Variants in NLGN1 observed in about 807,000 individuals in gnomAD.
NLGN1 encodes neuroligin 1.
NLGN1 carries 12 observed loss-of-function variants against 65.5 expected under a neutral mutation model. The ratio of observed to expected loss-of-function variants is 0.18; its 90% confidence interval spans 0.12 to 0.30. NLGN1 has a LOEUF of 0.30. Among genes scored for constraint, NLGN1 ranks in the 10% least tolerant of loss-of-function variants. NLGN1 has a pLI of 1.00. For missense variants in NLGN1, 750 were observed against 1,007.1 expected, an observed-to-expected ratio of 0.74 and a Z score of 3.46; for synonymous variants, 350 against 359.5, an observed-to-expected ratio of 0.97 and a Z score of 0.30.
chr3:173,819,335 G>A (rs1053793338), intron 4 of NLGN1, among the ~76,000 whole-genome samples: 1 of 152,088 alleles, frequency 6.6e-6, no homozygotes, highest in African/African-American at 2.4e-5. Context: ...AAGAGCACCA[G>A]TTTTCTTTAG....
At chr3:173,825,057 G>T (rs565080940) in intron 4 of NLGN1, among the ~76,000 whole-genome samples, 1 of 152,002 alleles carries the variant, frequency 6.6e-6, no homozygotes, top group Admixed American at 6.6e-5. Context: ...TTCACAAATT[G>T]TGCCCAAGAG....
At chr3:173,569,495 A>G (rs1227075257) in intron 2 of NLGN1, among the ~76,000 whole-genome samples, 1 of 151,874 alleles carries the variant, frequency 6.6e-6, no homozygotes, top group Non-Finnish European at 1.5e-5. Flanking sequence ...TTTTCTTAAA[A>G]CAGTAGTCCC....
intron 4 of NLGN1, among the ~76,000 whole-genome samples, chr3:174,260,418 C>T (rs1173419276): frequency 6.6e-6 from 1 of 151,512 alleles, no homozygotes; most frequent in African/African-American, 2.4e-5. Flanking sequence ...TTTTGATTTG[C>T]ATTTCTCTGA....
Position 174,210,982 on chromosome 3 carries a change from G to A in NLGN1, c.647-64333G>A, listed in dbSNP as rs1433946699. On this transcript the variant is annotated intron_variant, in intron 4 of 6. Transcript: ENST00000457714. Reference sequence around the variant, plus strand: ...TTCAAGAATGAAGCCGCGGACCCTCGCGGTGAGTGTTACAGCTCTTAAGGT... The same window carrying A: ...TTCAAGAATGAAGCCGCGGACCCTCACGGTGAGTGTTACAGCTCTTAAGGT... 2.6e-4 allele frequency among the ~76,000 whole-genome samples: 40 copies of A among 152,122 alleles called. 1 individual carries two copies. Among genetic ancestry groups the A allele is most frequent in the Admixed American group, 2.5e-3 (38 of 15,274 alleles).
At chr3:174,017,765 T>G (rs1726899741) in intron 4 of NLGN1, among the ~76,000 whole-genome samples, 1 of 151,976 alleles carries the variant, frequency 6.6e-6, no homozygotes. Context: ...GTCACAGAGA[T>G]CACATGCTTC....
intron 4 of NLGN1, among the ~76,000 whole-genome samples, chr3:174,159,389 T>A (rs577383898): frequency 6.6e-6 from 1 of 151,878 alleles, no homozygotes; most frequent in East Asian, 1.9e-4. Flanking sequence ...GAGAGAAACA[T>A]TTGAAAAACT....
At chr3:174,135,062 T>C (rs758049757) in intron 4 of NLGN1, among the ~76,000 whole-genome samples, 33 of 152,196 alleles carry the variant, frequency 2.2e-4, no homozygotes, top group Non-Finnish European at 4.1e-4. Context: ...TTTCCTAATG[T>C]CTTTATTATA....
At chr3:173,714,963 C>G (rs1769601552) in intron 3 of NLGN1, among the ~76,000 whole-genome samples, 1 of 152,100 alleles carries the variant, frequency 6.6e-6, no homozygotes, top group Non-Finnish European at 1.5e-5. Flanking sequence ...GAGTTCTCTT[C>G]TCTGCCTTTT....
At chr3:174,269,422 A>C (rs1181384881) in intron 4 of NLGN1, among the ~76,000 whole-genome samples, 2 of 151,962 alleles carry the variant, frequency 1.3e-5, no homozygotes, top group Non-Finnish European at 2.9e-5. Context: ...ATATGAGTAG[A>C]ATCCTACAGT....
chr3:173,656,546 T>C (rs1450116966), intron 3 of NLGN1, among the ~76,000 whole-genome samples: 1 of 152,130 alleles, frequency 6.6e-6, no homozygotes, highest in Non-Finnish European at 1.5e-5. Context: ...TATTCATTTG[T>C]TTGTTCATTT....
intron 4 of NLGN1, among the ~76,000 whole-genome samples, chr3:174,158,995 T>G (rs895086866): frequency 1.3e-5 from 2 of 151,628 alleles, no homozygotes; most frequent in African/African-American, 4.8e-5. Flanking sequence ...GTCTTCGAGA[T>G]GTACAAAATG....
chr3:173,913,068 C>T (rs1349246503), intron 4 of NLGN1, among the ~76,000 whole-genome samples: 1 of 152,116 alleles, frequency 6.6e-6, no homozygotes, highest in African/African-American at 2.4e-5. Flanking sequence ...CCCATTCACC[C>T]CAAGTCCATG....
At chr3:173,758,906 G>A (rs1777535426) in intron 3 of NLGN1, among the ~76,000 whole-genome samples, 1 of 151,972 alleles carries the variant, frequency 6.6e-6, no homozygotes, top group Non-Finnish European at 1.5e-5. Context: ...AAGAGCTGTA[G>A]ATTCTCTCCT....
chr3:174,007,993 G>C (rs898098534), intron 4 of NLGN1, among the ~76,000 whole-genome samples: 1 of 151,730 alleles, frequency 6.6e-6, no homozygotes, highest in African/African-American at 2.4e-5. Context: ...TTGTGAGTGG[G>C]GATGGGGAGA....
chr3:174,262,964 G>A (rs1747246435), intron 4 of NLGN1, among the ~76,000 whole-genome samples: 1 of 121,188 alleles, frequency 8.3e-6, no homozygotes, highest in South Asian at 3.3e-4. Flanking sequence ...TTCAGGAGCA[G>A]GTTGTTCAGT....
At chr3:173,773,987 G>C (rs188997483) in intron 3 of NLGN1, among the ~76,000 whole-genome samples, 192 of 152,302 alleles carry the variant, frequency 1.3e-3, no homozygotes, top group African/African-American at 4.4e-3. Flanking sequence ...GAAGTCATAA[G>C]GTGGTAATAT....
chr3:174,153,383 C>T (rs1159334997), intron 4 of NLGN1, among the ~76,000 whole-genome samples: 1 of 152,082 alleles, frequency 6.6e-6, no homozygotes, highest in Non-Finnish European at 1.5e-5. Flanking sequence ...ATGATATTCA[C>T]TTTCCCACAT....
chr3:173,986,668 G>T (rs1720005371), intron 4 of NLGN1, among the ~76,000 whole-genome samples: 1 of 152,182 alleles, frequency 6.6e-6, no homozygotes, highest in South Asian at 2.1e-4. Context: ...TCTTTAGGCT[G>T]CCCGCTTCAG....
At chr3:173,664,809 A>G (rs1420542797) in intron 3 of NLGN1, among the ~76,000 whole-genome samples, 3 of 152,100 alleles carry the variant, frequency 2.0e-5, no homozygotes, top group African/African-American at 7.2e-5. Flanking sequence ...ATCCAGATGT[A>G]AAGTCTCAAG....
Sources: gnomAD v4.1 joint callset for allele counts (sites outside exome capture counted in the v4.1 genomes callset) on GRCh38, gnomAD v4.1.1 for gene constraint, MANE v1.5 for transcripts, NCBI Gene and HGNC (gene_info 2026-07-23, HGNC 2026-07-21) for gene names.